KCNIP4: variants seen among roughly 807,000 people sequenced by gnomAD.
KCNIP4 encodes Kv channel-interacting protein 4.
A neutral mutation model predicts 34.0 loss-of-function variants in KCNIP4; 12 were observed. The ratio of observed to expected loss-of-function variants is 0.35; its 90% confidence interval spans 0.23 to 0.57. The LOEUF (loss-of-function observed/expected upper bound fraction) is 0.57. Ranked by LOEUF, KCNIP4 falls within the 20% of genes least tolerant of loss-of-function variation. The probability of loss-of-function intolerance (pLI) is 0.83; values close to 1 mark genes in which losing one functional copy is unlikely to be tolerated. For missense variants in KCNIP4, 238 were observed against 311.7 expected (o/e 0.76, Z 1.78); for synonymous variants, 124 against 102.2 (o/e 1.21, Z -1.29).
chr4:21,407,452 G>A (rs1379032167), intron 1 of KCNIP4, among the ~76,000 whole-genome samples: 1 of 152,082 alleles, frequency 6.6e-6, no homozygotes, highest in East Asian at 1.9e-4. Flanking sequence ...TAGGAAATTT[G>A]TCTCTTTTTT....
Position 21,907,352 on chromosome 4 carries a change from T to A in KCNIP4, c.61+41219A>T, listed in dbSNP as rs2108976636. ...AGCTTGGTCTTCCGCTTTTCCACCA[T>A]GTTATGAGGCAGTACGAAAGCCTTC... On this transcript the variant is annotated intron_variant, in intron 1 of 8. Transcript: ENST00000382152. Among the ~76,000 whole-genome samples, 4 of 152,296 alleles carry A rather than the reference T, an allele frequency of 2.6e-5. 1 individual carries two copies. The South Asian group carries it at 8.3e-4, about 32-fold the overall frequency.
rs138114805 is a variant in KCNIP4 at position 21,543,871 on chromosome 4, C to T, written c.61+404700G>A. 2.6e-3 allele frequency among the ~76,000 whole-genome samples: 397 copies of T among 152,068 alleles called. 3 individuals are homozygous for T. Among genetic ancestry groups the T allele is most frequent in the African/African-American group, 8.9e-3 (368 of 41,488 alleles). The stretch of plus-strand genomic sequence containing the variant: ...TCTCTCACACATACTTCATGACTAC[C>T]GCATTGTCTACGATGGAATGTTAAA... On this transcript the variant is annotated intron_variant, in intron 1 of 8. Transcript: ENST00000382152.
At chr4:21,381,842 G>A (rs1405192274) in intron 1 of KCNIP4, among the ~76,000 whole-genome samples, 7 of 152,064 alleles carry the variant, frequency 4.6e-5, no homozygotes, top group East Asian at 3.9e-4. Flanking sequence ...ATTGTGAGAC[G>A]CCCTGGAGAT....
At chr4:21,252,587 T>C (rs1264799929) in intron 1 of KCNIP4, among the ~76,000 whole-genome samples, 1 of 152,058 alleles carries the variant, frequency 6.6e-6, no homozygotes, top group Non-Finnish European at 1.5e-5. Flanking sequence ...ACGCTGACAA[T>C]GTTAACACCC....
In KCNIP4 at chr4:21,187,490, C is replaced by T. The variant is rs576178967; in HGVS notation, c.62-304781G>A. On this transcript the variant is annotated intron_variant, in intron 1 of 8. Transcript: ENST00000382152. Reference sequence around the variant, plus strand: ...TCCTCACTGAGATTTCTACCTAATTCGTTAAAATTCATTTTTGTTTATTTT... The same window carrying T: ...TCCTCACTGAGATTTCTACCTAATTTGTTAAAATTCATTTTTGTTTATTTT... Among the ~76,000 whole-genome samples the T allele has an allele frequency of 2.8e-4, 43 of 152,270 alleles. No individual in the cohort carries two copies. The South Asian group carries it at 4.1e-3, about 15-fold the overall frequency.
At chr4:20,835,783 C>A (rs547557757) in intron 3 of KCNIP4, among the ~76,000 whole-genome samples, 1 of 152,198 alleles carries the variant, frequency 6.6e-6, no homozygotes, top group South Asian at 2.1e-4. Context: ...AATTTCCCCC[C>A]AGTTTTCTGC....
chr4:21,481,575 G>C (rs1731429842), intron 1 of KCNIP4, among the ~76,000 whole-genome samples: 1 of 152,122 alleles, frequency 6.6e-6, no homozygotes, highest in South Asian at 2.1e-4. Context: ...AAAACAAGCA[G>C]CTCTAAATGG....
At chr4:21,714,844 ATTT>A (rs1226670477) in intron 1 of KCNIP4, among the ~76,000 whole-genome samples, 1 of 234 alleles carries the variant, frequency 4.3e-3, no homozygotes, top group Non-Finnish European at 6.3e-3. Flanking sequence ...ATTTTATTTT[ATTT>A]TATTTTATTT....
chr4:21,732,103 A>G (rs1715649498), intron 1 of KCNIP4, among the ~76,000 whole-genome samples: 1 of 151,594 alleles, frequency 6.6e-6, no homozygotes, highest in Admixed American at 6.6e-5. Context: ...GAGTTGGTAC[A>G]CTTACTTCTT....
intron 3 of KCNIP4, among the ~76,000 whole-genome samples, chr4:20,762,858 A>G (rs1755063529): frequency 6.6e-6 from 1 of 152,200 alleles, no homozygotes; most frequent in African/African-American, 2.4e-5. Flanking sequence ...AAAGAGGTTA[A>G]TTGACTCACA....
At chr4:21,707,759 T>G (rs1403608135) in intron 1 of KCNIP4, among the ~76,000 whole-genome samples, 3 of 152,062 alleles carry the variant, frequency 2.0e-5, no homozygotes, top group Non-Finnish European at 4.4e-5. Flanking sequence ...GAATTTGGAT[T>G]CTGTGTCAGC....
At chr4:21,340,408 T>A (rs1271362962) in intron 1 of KCNIP4, among the ~76,000 whole-genome samples, 1 of 152,178 alleles carries the variant, frequency 6.6e-6, no homozygotes, top group Non-Finnish European at 1.5e-5. Context: ...TTTGAAGCCA[T>A]CTGTTATTTA....
At chr4:20,786,267 G>A (rs1197329057) in intron 3 of KCNIP4, among the ~76,000 whole-genome samples, 1 of 152,062 alleles carries the variant, frequency 6.6e-6, no homozygotes, top group Non-Finnish European at 1.5e-5. Flanking sequence ...ACATAAAGAT[G>A]AGAACAAGAG....
rs1420901307 is a variant in KCNIP4 at position 21,715,086 on chromosome 4, T to G, written c.61+233485A>C. Among the ~76,000 whole-genome samples, 3 of 56,512 alleles carry G rather than the reference T, an allele frequency of 5.3e-5. 1 individual carries two copies. Among genetic ancestry groups the G allele is most frequent in the Non-Finnish European group, 7.7e-5 (3 of 38,722 alleles). The allele number at this position is 56,512 out of a possible 152,430, so 37.1% of individuals were successfully genotyped here. A position where few individuals can be genotyped will look rare whatever the true frequency, so the allele number is the denominator to read the frequency against. On this transcript the variant is annotated intron_variant, in intron 1 of 8. Transcript: ENST00000382152. ...TTTATTTTATTTTATTTTATTTTAT[T>G]TTATTTATTTTTGAGATGGAGTCTG...
chr4:21,605,701 G>A (rs778768048), intron 1 of KCNIP4, among the ~76,000 whole-genome samples: 2 of 152,068 alleles, frequency 1.3e-5, no homozygotes, highest in Admixed American at 6.5e-5. Flanking sequence ...GGCTGGTCTC[G>A]AATTCCTGAC....
intron 1 of KCNIP4, among the ~76,000 whole-genome samples, chr4:21,770,908 A>G (rs1435515351): frequency 1.3e-5 from 2 of 152,102 alleles, no homozygotes; most frequent in African/African-American, 4.8e-5. Context: ...GTTCCCTCTG[A>G]TGATAGTTTC....
chr4:21,898,332 A>C (rs1727515933), intron 1 of KCNIP4, among the ~76,000 whole-genome samples: 1 of 152,046 alleles, frequency 6.6e-6, no homozygotes. Flanking sequence ...TTGCATCATC[A>C]TGCTTCCCCA....
chr4:21,541,855 C>T (rs1314954900), intron 1 of KCNIP4, among the ~76,000 whole-genome samples: 2 of 151,856 alleles, frequency 1.3e-5, no homozygotes, highest in Non-Finnish European at 2.9e-5. Context: ...GTTGCTCAGG[C>T]TCATCTTCAA....
intron 3 of KCNIP4, among the ~76,000 whole-genome samples, chr4:20,828,539 C>T (rs924923802): frequency 2.0e-5 from 3 of 152,188 alleles, no homozygotes; most frequent in Non-Finnish European, 2.9e-5. Context: ...AAGGCTGATA[C>T]TCAGATACAA....
Sources: allele counts gnomAD v4.1 joint callset (sites outside exome capture counted in the v4.1 genomes callset), GRCh38; gene constraint gnomAD v4.1.1; transcripts MANE v1.5; gene names NCBI Gene and HGNC (gene_info 2026-07-23, HGNC 2026-07-21).